GPATCH2: variants seen among roughly 807,000 people sequenced by gnomAD.
GPATCH2 encodes the protein G-patch domain containing 2.
Under a neutral mutation model 58.0 loss-of-function variants are expected in GPATCH2, and 51 were observed. That is an observed-to-expected ratio of 0.88 (90% CI 0.70 to 1.11). The LOEUF is 1.11. GPATCH2 is among the 50% of genes most tolerant of loss of function. The pLI, the probability that GPATCH2 is intolerant of heterozygous loss-of-function variation, is 0.00. For missense variants in GPATCH2, 625 were observed against 652.2 expected, an observed-to-expected ratio of 0.96 and a Z score of 0.45; for synonymous variants, 222 against 218.5, an observed-to-expected ratio of 1.02 and a Z score of -0.14.
intron 5 of GPATCH2, among the ~76,000 whole-genome samples, chr1:217,586,414 C>T (rs1052721295): frequency 2.0e-5 from 3 of 151,684 alleles, no homozygotes; most frequent in African/African-American, 7.3e-5. Context: ...GACACAAACA[C>T]ACACATTAGC....
intron 5 of GPATCH2, among the ~76,000 whole-genome samples, chr1:217,569,243 G>C (rs1348091231): frequency 1.3e-5 from 2 of 152,008 alleles, no homozygotes; most frequent in Non-Finnish European, 2.9e-5. Flanking sequence ...CGTTTGACTT[G>C]GCTGAAAATA....
intron 5 of GPATCH2, among the ~76,000 whole-genome samples, chr1:217,546,225 G>A (rs1665041702): frequency 6.6e-6 from 1 of 152,130 alleles, no homozygotes; most frequent in Admixed American, 6.5e-5. Flanking sequence ...TAATGCCCAA[G>A]CAATTTATAG....
intron 5 of GPATCH2, among the ~76,000 whole-genome samples, chr1:217,596,773 A>AT (rs1212590461): frequency 6.6e-6 from 1 of 152,160 alleles, no homozygotes; most frequent in Non-Finnish European, 1.5e-5. Context: ...ATTTGTACAG[A>AT]TGAGTATGGA....
chr1:217,472,458 C>T (rs1394919558), intron 8 of GPATCH2, among the ~76,000 whole-genome samples: 22 of 152,072 alleles, frequency 1.4e-4, no homozygotes, highest in African/African-American at 4.8e-4. Context: ...CCCGCCACCA[C>T]GCCGGGCTAA....
At chr1:217,555,554 T>C (rs943205814) in intron 5 of GPATCH2, among the ~76,000 whole-genome samples, 1 of 152,156 alleles carries the variant, frequency 6.6e-6, no homozygotes, top group Non-Finnish European at 1.5e-5. Flanking sequence ...TCGGGAGCAC[T>C]GTAAGGTAAA....
At chr1:217,499,503 C>T (rs897001990) in intron 6 of GPATCH2, among the ~76,000 whole-genome samples, 3 of 152,172 alleles carry the variant, frequency 2.0e-5, no homozygotes, top group East Asian at 1.9e-4. Context: ...AAACCAGGAA[C>T]AAACAGCCTC....
chr1:217,505,202 G>C (rs1029378669), intron 6 of GPATCH2, among the ~76,000 whole-genome samples: 9 of 152,182 alleles, frequency 5.9e-5, no homozygotes, highest in Non-Finnish European at 1.3e-4. Flanking sequence ...CTAGGACATA[G>C]ACGCAGTTTA....
At chr1:217,608,201 G>A (rs1175493738) in intron 5 of GPATCH2, 7 of 856,896 alleles carry the variant, frequency 8.2e-6, no homozygotes, top group African/African-American at 3.7e-5. Context: ...TCTTGCCCAA[G>A]TCAGAGATTT....
At chr1:217,621,857 C>A (rs528833397) in intron 1 of GPATCH2, among the ~76,000 whole-genome samples, 2 of 152,170 alleles carry the variant, frequency 1.3e-5, no homozygotes, top group African/African-American at 2.4e-5. Context: ...CTAACATTTG[C>A]GCATTTACTA....
At chr1:217,557,694 G>A (rs1665714713) in intron 5 of GPATCH2, among the ~76,000 whole-genome samples, 1 of 152,076 alleles carries the variant, frequency 6.6e-6, no homozygotes, top group Non-Finnish European at 1.5e-5. Context: ...TTTTCCCACT[G>A]ATCTATAATA....
chr1:217,627,605 G>A lies in GPATCH2; in HGVS notation c.56+3311C>T, dbSNP rs185416083. Among the ~76,000 whole-genome samples, 8 of 152,070 alleles carry A rather than the reference G, an allele frequency of 5.3e-5. No homozygotes were observed. The East Asian group carries it at 7.7e-4, about 15-fold the overall frequency. On this transcript the variant is annotated intron_variant, in intron 1 of 9. Transcript: ENST00000366935. ...GCTCCACTAACTTGTATTCAATCAC[G>A]GGTGCTCCTGGCAGCTTCTACTTTG... is the stretch of plus-strand genomic sequence containing the variant.
At chr1:217,473,537 C>T (rs952685805) in intron 8 of GPATCH2, among the ~76,000 whole-genome samples, 2 of 151,510 alleles carry the variant, frequency 1.3e-5, no homozygotes, top group Non-Finnish European at 2.9e-5. Flanking sequence ...CAGAATGGCA[C>T]GAACAAACCC....
chr1:217,544,205 G>A (rs1664908034), intron 5 of GPATCH2, among the ~76,000 whole-genome samples: 3 of 152,120 alleles, frequency 2.0e-5, no homozygotes, highest in African/African-American at 4.8e-5. Context: ...AACAAGCCTG[G>A]CCAACATGGC....
chr1:217,471,316 G>T (rs1660712652), intron 8 of GPATCH2, among the ~76,000 whole-genome samples: 1 of 152,074 alleles, frequency 6.6e-6, no homozygotes, highest in Admixed American at 6.5e-5. Flanking sequence ...ATGTCATTAA[G>T]CGGTACTCTA....
intron 6 of GPATCH2, among the ~76,000 whole-genome samples, chr1:217,509,654 T>A (rs1163801935): frequency 1.3e-5 from 2 of 152,178 alleles, no homozygotes; most frequent in African/African-American, 4.8e-5. Flanking sequence ...TGACAAGTAT[T>A]CAGTTGGTGC....
intron 5 of GPATCH2, among the ~76,000 whole-genome samples, chr1:217,521,245 A>ACACT (rs957174432): frequency 7.2e-5 from 11 of 151,738 alleles, no homozygotes; most frequent in African/African-American, 2.7e-4. Context: ...GAAGAAACTA[A>ACACT]CACTCACTGA....
chr1:217,588,255 G>T (rs570125865), intron 5 of GPATCH2, among the ~76,000 whole-genome samples: 1 of 152,202 alleles, frequency 6.6e-6, no homozygotes, highest in South Asian at 2.1e-4. Context: ...TTTCTCAGAA[G>T]CATAGGAAAG....
At chr1:217,475,540 G>T (rs1343626640) in intron 8 of GPATCH2, among the ~76,000 whole-genome samples, 1 of 152,052 alleles carries the variant, frequency 6.6e-6, no homozygotes, top group Non-Finnish European at 1.5e-5. Context: ...AGTTACTTGG[G>T]GCAGAGTGTT....
chr1:217,443,308 T>C lies in GPATCH2; in HGVS notation c.1366+5941A>G, dbSNP rs1036441589. Among the ~76,000 whole-genome samples the C allele has an allele frequency of 2.6e-5, 4 of 152,322 alleles. No homozygotes were observed. In the East Asian group the frequency reaches 7.7e-4, roughly 29 times the overall value. On this transcript the variant is annotated intron_variant, in intron 9 of 9. Coordinates refer to ENST00000366935, the MANE Select transcript of GPATCH2 (RefSeq NM_018040.5). ...TCTTGGGTAATAATTTAGCTGGATATGTAACTCAGGTTCACTTGGTTATTT... is the reference window on the plus strand; with the variant it reads ...TCTTGGGTAATAATTTAGCTGGATACGTAACTCAGGTTCACTTGGTTATTT...
Sources: allele counts gnomAD v4.1 joint callset (sites outside exome capture counted in the v4.1 genomes callset), GRCh38; gene constraint gnomAD v4.1.1; transcripts MANE v1.5; gene names NCBI Gene and HGNC (gene_info 2026-07-23, HGNC 2026-07-21).